The following GHR variants were observed in gnomAD, a reference collection of about 807,000 sequenced individuals.
The protein encoded by GHR is growth hormone receptor.
GHR carries 35 observed loss-of-function variants against 67.1 expected under a neutral mutation model. The ratio of observed to expected loss-of-function variants is 0.52; its 90% confidence interval spans 0.40 to 0.69. GHR has a LOEUF of 0.69. Among genes scored for constraint, GHR ranks in the 30% least tolerant of loss-of-function variants. GHR has a pLI of 0.00. For synonymous variants in GHR, 272 were observed against 269.1 expected (o/e 1.01, Z -0.10); for missense variants, 792 against 764.6 (o/e 1.04, Z -0.42).
At chr5:42,612,916 G>C (rs1272566619) in intron 2 of GHR, among the ~76,000 whole-genome samples, 2 of 152,072 alleles carry the variant, frequency 1.3e-5, no homozygotes, top group African/African-American at 2.4e-5. Flanking sequence ...CATAGCCCCT[G>C]AAGTCTCTCC....
At chr5:42,522,272 T>A (rs1457508588) in intron 1 of GHR, among the ~76,000 whole-genome samples, 3 of 152,130 alleles carry the variant, frequency 2.0e-5, no homozygotes, top group East Asian at 1.9e-4. Context: ...ATCAAAAAAA[T>A]TTTTCTCATT....
At chr5:42,579,418 A>G (rs1269280969) in intron 2 of GHR, among the ~76,000 whole-genome samples, 2 of 152,148 alleles carry the variant, frequency 1.3e-5, no homozygotes, top group African/African-American at 2.4e-5. Context: ...CCTCTTCTAC[A>G]ATTTGACCAA....
chr5:42,497,831 T>C (rs1746382896), intron 1 of GHR, among the ~76,000 whole-genome samples: 1 of 152,170 alleles, frequency 6.6e-6, no homozygotes, highest in Non-Finnish European at 1.5e-5. Flanking sequence ...AAGAGTCACC[T>C]GTTTACAGGT....
intron 3 of GHR, among the ~76,000 whole-genome samples, chr5:42,663,602 A>T (rs1253200254): frequency 6.6e-6 from 1 of 152,204 alleles, no homozygotes; most frequent in Non-Finnish European, 1.5e-5. Flanking sequence ...TCTCAAAATA[A>T]TAAGAGCTAT....
At chr5:42,715,888 C>T (rs1758696175) in intron 8 of GHR, among the ~76,000 whole-genome samples, 1 of 152,186 alleles carries the variant, frequency 6.6e-6, no homozygotes, top group Non-Finnish European at 1.5e-5. Flanking sequence ...TTGCCACCAT[C>T]CTCATTCCTC....
chr5:42,508,722 C>T (rs1178238195), intron 1 of GHR, among the ~76,000 whole-genome samples: 2 of 152,146 alleles, frequency 1.3e-5, no homozygotes, highest in Non-Finnish European at 2.9e-5. Context: ...TACAAGCGCC[C>T]GCCACCACGC....
chr5:42,544,813 A>T (rs1748666658), intron 1 of GHR, among the ~76,000 whole-genome samples: 1 of 152,166 alleles, frequency 6.6e-6, no homozygotes. Flanking sequence ...TGATCCTACA[A>T]CCTAAGAGTA....
At chr5:42,580,430 GA>G (rs1402704060) in intron 2 of GHR, among the ~76,000 whole-genome samples, 6 of 152,190 alleles carry the variant, frequency 3.9e-5, no homozygotes, top group Non-Finnish European at 7.4e-5. Flanking sequence ...TTATAAGGTG[GA>G]AAGAGCTATG....
At chr5:42,509,130 T>C (rs967159484) in intron 1 of GHR, among the ~76,000 whole-genome samples, 9 of 152,194 alleles carry the variant, frequency 5.9e-5, no homozygotes, top group Non-Finnish European at 1.3e-4. Context: ...TTCTCTTGCT[T>C]CATCATACTA....
intron 3 of GHR, among the ~76,000 whole-genome samples, chr5:42,680,451 C>CT (rs967383202): frequency 1.7e-4 from 25 of 146,946 alleles, no homozygotes; most frequent in East Asian, 1.2e-3. Flanking sequence ...CTTTTTTTTT[C>CT]TTTTTTTTTT....
Position 42,719,822 on chromosome 5 carries a change from G to T in GHR, c.*398G>T. On this transcript the variant is annotated 3_prime_UTR_variant, in exon 10 of 10. Coordinates refer to ENST00000230882, the MANE Select transcript of GHR (RefSeq NM_000163.5). ...AAAATTGAATGCAAACCATAGCACA[G>T]GCTAATTTTTTGTTGTTTCTTAAAT... 1 of 167,398 alleles carries T rather than the reference G, an allele frequency of 6.0e-6. No individual in the cohort carries two copies. Among genetic ancestry groups the T allele is most frequent in the Non-Finnish European group, 1.3e-5 (1 of 78,302 alleles). The allele number at this position is 167,398 out of a possible 1,614,324, so 10.4% of individuals were successfully genotyped here. A position where few individuals can be genotyped will look rare whatever the true frequency, so the allele number is the denominator to read the frequency against.
At chr5:42,664,869 A>T (rs950683031) in intron 3 of GHR, among the ~76,000 whole-genome samples, 2 of 152,254 alleles carry the variant, frequency 1.3e-5, no homozygotes, top group African/African-American at 4.8e-5. Flanking sequence ...AATATCCAGA[A>T]TCTACAATGA....
chr5:42,560,978 A>G (rs975093988), intron 1 of GHR, among the ~76,000 whole-genome samples: 2 of 152,216 alleles, frequency 1.3e-5, no homozygotes, highest in African/African-American at 4.8e-5. Context: ...ATCTGAGTTC[A>G]GAATGCTGTT....
chr5:42,525,252 A>G (rs1747658354), intron 1 of GHR, among the ~76,000 whole-genome samples: 2 of 152,202 alleles, frequency 1.3e-5, no homozygotes, highest in South Asian at 4.1e-4. Context: ...AGAGCCGCCC[A>G]AGACCATGGG....
At chr5:42,495,825 A>T (rs35999195) in intron 1 of GHR, among the ~76,000 whole-genome samples, 58 of 152,278 alleles carry the variant, frequency 3.8e-4, no homozygotes, top group African/African-American at 1.4e-3. Flanking sequence ...ATGATGTTGA[A>T]TGTTTCATCT....
intron 2 of GHR, among the ~76,000 whole-genome samples, chr5:42,595,364 G>T (rs1752012194): frequency 6.6e-6 from 1 of 152,118 alleles, no homozygotes. Context: ...TCAGAATCAG[G>T]TATGTTCTTA....
intron 1 of GHR, among the ~76,000 whole-genome samples, chr5:42,499,601 C>G (rs1746455389): frequency 6.6e-6 from 1 of 152,142 alleles, no homozygotes; most frequent in South Asian, 2.1e-4. Context: ...GGCACAGGCA[C>G]AGAGCCGCAA....
rs186219038 is a variant in GHR at position 42,666,294 on chromosome 5, T to G, written c.137-22596T>G. Among the ~76,000 whole-genome samples, 50 of 152,276 alleles carry G rather than the reference T, an allele frequency of 3.3e-4. 5 individuals carry two copies. Among genetic ancestry groups the G allele is most frequent in the African/African-American group, 1.2e-3 (48 of 41,560 alleles). ...GTGAAATTAATTTTAACAAAGTAGGTTATTTATCCCAATATATCCAAACTA... is the reference window on the plus strand; with the variant it reads ...GTGAAATTAATTTTAACAAAGTAGGGTATTTATCCCAATATATCCAAACTA... On this transcript the variant is annotated intron_variant, in intron 3 of 9. Coordinates refer to ENST00000230882, the MANE Select transcript of GHR (RefSeq NM_000163.5).
intron 6 of GHR, among the ~76,000 whole-genome samples, chr5:42,703,104 A>G (rs750025953): frequency 3.3e-5 from 5 of 151,864 alleles, no homozygotes; most frequent in Non-Finnish European, 5.9e-5. Flanking sequence ...CCTGTTCCCA[A>G]TGGAGTCATA....
Sources: gnomAD v4.1 joint callset for allele counts (sites outside exome capture counted in the v4.1 genomes callset) on GRCh38, gnomAD v4.1.1 for gene constraint, MANE v1.5 for transcripts, NCBI Gene and HGNC (gene_info 2026-07-23, HGNC 2026-07-21) for gene names.